The following PPP3R1 variants were observed in gnomAD, a reference collection of about 807,000 sequenced individuals.
The protein encoded by PPP3R1 is protein phosphatase 3 regulatory subunit B, alpha, also known as calcineurin subunit B type 1.
A neutral mutation model predicts 22.6 loss-of-function variants in PPP3R1; 5 were observed. The ratio of observed to expected loss-of-function variants is 0.22; its 90% confidence interval spans 0.12 to 0.46. PPP3R1 has a LOEUF of 0.46. Among genes scored for constraint, PPP3R1 ranks in the 20% least tolerant of loss-of-function variants. PPP3R1 has a pLI of 0.99. For synonymous variants in PPP3R1, 56 were observed against 65.2 expected, an observed-to-expected ratio of 0.86 and a Z score of 0.68; for missense variants, 61 against 203.2, an observed-to-expected ratio of 0.30 and a Z score of 4.25.
intron 2 of PPP3R1, among the ~76,000 whole-genome samples, chr2:68,208,101 C>T (rs766961873): frequency 6.6e-6 from 1 of 152,004 alleles, no homozygotes; most frequent in Non-Finnish European, 1.5e-5. Context: ...TGCAGTGAGC[C>T]GAGACCACGC....
chr2:68,186,826 G>C, intron 4 of PPP3R1, among the ~76,000 whole-genome samples, 174 bp from the exon 5 acceptor site: 1 of 152,172 alleles, frequency 6.6e-6, no homozygotes, highest in African/African-American at 2.4e-5. Flanking sequence ...TTAAACGTAC[G>C]GGCTTTTGAG....
intron 1 of PPP3R1, among the ~76,000 whole-genome samples, chr2:68,246,686 C>T (rs916610049): frequency 2.0e-5 from 3 of 152,188 alleles, no homozygotes; most frequent in African/African-American, 4.8e-5. Flanking sequence ...ATCTCTCTGG[C>T]TATTCAATGA....
chr2:68,232,255 GTGTGTGTGTGTATATATA>G (rs1669930221), intron 1 of PPP3R1, among the ~76,000 whole-genome samples: 1 of 70,192 alleles, frequency 1.4e-5, no homozygotes, highest in South Asian at 5.9e-4. Flanking sequence ...GTGTGTGTGT[GTGTGTGTGTGTATATATA>G]TATACACACA....
At chr2:68,219,847 A>T (rs1669651872) in intron 1 of PPP3R1, among the ~76,000 whole-genome samples, 1 of 152,242 alleles carries the variant, frequency 6.6e-6, no homozygotes, top group African/African-American at 2.4e-5. Flanking sequence ...ACACTTGAAG[A>T]ATTCAAACAT....
intron 1 of PPP3R1, among the ~76,000 whole-genome samples, chr2:68,235,091 T>G (rs2103799791): frequency 6.6e-6 from 1 of 152,302 alleles, no homozygotes; most frequent in East Asian, 1.9e-4. Flanking sequence ...AGATTTGAGT[T>G]AGCAATGAGA....
Position 68,215,794 on chromosome 2 carries a change from G to C in PPP3R1, c.43+1298C>G, listed in dbSNP as rs371874821. 5.0e-4 allele frequency among the ~76,000 whole-genome samples: 76 copies of C among 152,234 alleles called. 1 individual carries two copies. Among genetic ancestry groups the C allele is most frequent in the African/African-American group, 1.7e-3 (72 of 41,548 alleles). On this transcript the variant is annotated intron_variant, in intron 2 of 5. Transcript: ENST00000234310. ...TGCTCAGAGGATATAAAGAAATTAGGATTTGAAGATGGAGGGGAAAGTGGG... is the reference window on the plus strand; with the variant it reads ...TGCTCAGAGGATATAAAGAAATTAGCATTTGAAGATGGAGGGGAAAGTGGG...
At chr2:68,192,490 T>A (rs1188256689) in intron 2 of PPP3R1, among the ~76,000 whole-genome samples, 1 of 152,168 alleles carries the variant, frequency 6.6e-6, no homozygotes, top group Non-Finnish European at 1.5e-5. Context: ...TTTATTGAAG[T>A]GGGGACATTA....
chr2:68,198,404 T>TAC (rs1264475107), intron 2 of PPP3R1, among the ~76,000 whole-genome samples: 1 of 146,462 alleles, frequency 6.8e-6, no homozygotes, highest in Non-Finnish European at 1.5e-5. Context: ...TATATATATG[T>TAC]GTATGTATAT....
At chr2:68,192,833 A>C (rs1218701177) in intron 2 of PPP3R1, among the ~76,000 whole-genome samples, 1 of 152,052 alleles carries the variant, frequency 6.6e-6, no homozygotes, top group Non-Finnish European at 1.5e-5. Flanking sequence ...TTTCCATCTT[A>C]TCTCTTTCCC....
chr2:68,234,570 G>A (rs1046873179), intron 1 of PPP3R1, among the ~76,000 whole-genome samples: 1 of 152,102 alleles, frequency 6.6e-6, no homozygotes, highest in East Asian at 1.9e-4. Flanking sequence ...AACTCACACT[G>A]GCATAGCAAT....
intron 4 of PPP3R1, 39 bp downstream of exon 4, chr2:68,187,216 T>C (rs369852875): frequency 5.5e-6 from 8 of 1,447,608 alleles, no homozygotes; most frequent in Middle Eastern, 1.7e-4. Context: ...GAAATGATGG[T>C]AGTATAAGAG....
chr2:68,200,380 C>T (rs1263944287), intron 2 of PPP3R1, among the ~76,000 whole-genome samples: 3 of 152,182 alleles, frequency 2.0e-5, no homozygotes, highest in Admixed American at 6.5e-5. Context: ...CACACTAGAA[C>T]TCATTCACCC....
chr2:68,182,086 C>T (rs868623857), intron 5 of PPP3R1, among the ~76,000 whole-genome samples: 64 of 117,944 alleles, frequency 5.4e-4, no homozygotes, highest in Admixed American at 2.5e-3. Context: ...CCCCTCCCCC[C>T]ACCACACACA....
intron 2 of PPP3R1, among the ~76,000 whole-genome samples, chr2:68,211,406 C>CCAAAAAAAA (rs565919578): frequency 6.5e-5 from 5 of 77,408 alleles, no homozygotes; most frequent in African/African-American, 2.8e-4. Flanking sequence ...GACTCTGTCT[C>CCAAAAAAAA]AAAAAAAAAA....
At position 68,252,363 on chromosome 2, in the gene PPP3R1, G is replaced by A; in HGVS notation, c.-236C>T. 3.0e-6 allele frequency: 3 copies of A among 1,006,822 alleles called. No homozygotes were observed. Among genetic ancestry groups the A allele is most frequent in the Non-Finnish European group, 3.5e-6 (3 of 845,132 alleles). 62.4% of individuals were successfully genotyped at this position (1,006,822 alleles called of 1,614,324 possible). A position where few individuals can be genotyped will look rare whatever the true frequency, so the allele number is the denominator to read the frequency against. The stretch of plus-strand genomic sequence containing the variant: ...TAAATTAAGGTCGAGATTCAGAGCC[G>A]GAGAGCGCGGGAGGAGCAGCGGCGA... On this transcript the variant is annotated 5_prime_UTR_variant, in exon 1 of 6. Coordinates refer to ENST00000234310, the MANE Select transcript of PPP3R1 (RefSeq NM_000945.4).
chr2:68,226,742 T>C (rs9653551), intron 1 of PPP3R1, among the ~76,000 whole-genome samples: 3,819 of 152,216 alleles, frequency 0.025, 144 homozygotes, highest in African/African-American at 0.084. Context: ...AAGGAAGAAT[T>C]TGATTAGGTG....
intron 1 of PPP3R1, among the ~76,000 whole-genome samples, chr2:68,217,848 G>A (rs1292161304): frequency 6.6e-6 from 1 of 152,004 alleles, no homozygotes; most frequent in Admixed American, 6.6e-5. Context: ...AAGAAAAAAA[G>A]TGTTCTAGAA....
chr2:68,236,375 A>ATATT lies in PPP3R1; in HGVS notation c.3+15746_3+15749dup, dbSNP rs545037100. Among the ~76,000 whole-genome samples the ATATT allele has an allele frequency of 1.5e-3, 235 of 152,292 alleles. 1 individual carries two copies. The highest frequency in any genetic ancestry group is 5.0e-3 in the African/African-American group (209 of 41,562). ...AGACTGTATGGCTCCCAAGCCTCAA[A>ATATT]TATTTATTATCTGGTCCTTTGCAGA... On this transcript the variant is annotated intron_variant, in intron 1 of 5. Transcript: ENST00000234310.
chr2:68,238,449 T>C (rs1347031322), intron 1 of PPP3R1, among the ~76,000 whole-genome samples: 1 of 151,704 alleles, frequency 6.6e-6, no homozygotes. Flanking sequence ...CATCAATAAG[T>C]GAAAAAGGAT....
Sources: gnomAD v4.1 joint callset for allele counts (sites outside exome capture counted in the v4.1 genomes callset) on GRCh38, gnomAD v4.1.1 for gene constraint, MANE v1.5 for transcripts, NCBI Gene and HGNC (gene_info 2026-07-23, HGNC 2026-07-21) for gene names.